The following RFT1 variants were observed in gnomAD, a reference collection of about 807,000 sequenced individuals.
The protein encoded by RFT1 is man(5)GlcNAc(2)-PP-dolichol translocation protein RFT1.
Under a neutral mutation model 62.2 loss-of-function variants are expected in RFT1, and 43 were observed. That is an observed-to-expected ratio of 0.69 (90% CI 0.54 to 0.89). RFT1 has a LOEUF of 0.89. Ranked by LOEUF, RFT1 falls within the 40% of genes least tolerant of loss-of-function variation. The pLI, the probability that RFT1 is intolerant of heterozygous loss-of-function variation, is 0.00. For missense variants in RFT1, 605 were observed against 649.9 expected, an observed-to-expected ratio of 0.93 and a Z score of 0.75; for synonymous variants, 262 against 264.6, an observed-to-expected ratio of 0.99 and a Z score of 0.10.
At chr3:53,104,742 A>G (rs1229284305) in intron 9 of RFT1, among the ~76,000 whole-genome samples, 1 of 152,264 alleles carries the variant, frequency 6.6e-6, no homozygotes, top group Non-Finnish European at 1.5e-5. Context: ...AAGAGGCTGA[A>G]CTAGCTTGCT....
At position 53,100,578 on chromosome 3, in the gene RFT1, T is replaced by C. The variant is rs146821292; in HGVS notation, c.1103-1092A>G. On this transcript the variant is annotated intron_variant, in intron 10 of 12. Coordinates refer to ENST00000296292, the MANE Select transcript of RFT1 (RefSeq NM_052859.4). ...TGGGCCATCCACACAAAGGAATACTTAGCAAGAAAAGATAATAAAAATCAC... is the reference window on the plus strand; with the variant it reads ...TGGGCCATCCACACAAAGGAATACTCAGCAAGAAAAGATAATAAAAATCAC... Among the ~76,000 whole-genome samples, 210 of 152,280 alleles carry C rather than the reference T, an allele frequency of 1.4e-3. 1 individual carries two copies. Among genetic ancestry groups the C allele is most frequent in the Non-Finnish European group, 2.5e-3 (168 of 68,016 alleles).
At chr3:53,111,530 T>C (rs1701649014) in intron 7 of RFT1, among the ~76,000 whole-genome samples, 1 of 152,232 alleles carries the variant, frequency 6.6e-6, no homozygotes, top group Non-Finnish European at 1.5e-5. Context: ...CTGTTCCTTG[T>C]TACTATAAAA....
In RFT1 at chr3:53,092,085, C is replaced by T; in HGVS notation, c.1459-15G>A. On this transcript the variant is annotated splice_polypyrimidine_tract_variant and intron_variant, in intron 12 of 12. Transcript: ENST00000296292. ...CAGAGGAATACCTGGGGAAAGAAAC[C>T]ATTGTCAGTGCCTGTTCCTCAGTCT... 4.3e-6 allele frequency: 7 copies of T among 1,614,136 alleles called. No homozygotes were observed. Among genetic ancestry groups the T allele is most frequent in the Non-Finnish European group, 5.9e-6 (7 of 1,179,986 alleles).
chr3:53,068,728 C>T, the RFT1 span, among the ~76,000 whole-genome samples: 10 of 152,144 alleles, frequency 6.6e-5, no homozygotes, highest in African/African-American at 2.4e-4. Flanking sequence ...GATTTAAATC[C>T]AGAATGTACA....
chr3:53,077,193 T>G, the RFT1 span, among the ~76,000 whole-genome samples: 3 of 152,196 alleles, frequency 2.0e-5, no homozygotes, highest in African/African-American at 7.2e-5. Context: ...ATAAAACCTC[T>G]TAAACACTGA....
chr3:53,111,332 G>A (rs955099762), intron 7 of RFT1, among the ~76,000 whole-genome samples: 1 of 152,056 alleles, frequency 6.6e-6, no homozygotes, highest in Non-Finnish European at 1.5e-5. Context: ...CATGAATCTG[G>A]GAGGTGGAGC....
intron 2 of RFT1, among the ~76,000 whole-genome samples, chr3:53,124,143 AAGG>A (rs1244726294): frequency 2.0e-5 from 3 of 152,230 alleles, no homozygotes; most frequent in Non-Finnish European, 4.4e-5. Context: ...CCATGACCAT[AAGG>A]AGGAGAAGAA....
At chr3:53,113,939 C>A (rs2107141153) in intron 6 of RFT1, among the ~76,000 whole-genome samples, 1 of 152,292 alleles carries the variant, frequency 6.6e-6, no homozygotes, top group South Asian at 2.1e-4. Flanking sequence ...TGAATCCTCC[C>A]AAACAGTGCA....
chr3:53,080,350 C>T, the RFT1 span, among the ~76,000 whole-genome samples: 2 of 152,242 alleles, frequency 1.3e-5, no homozygotes, highest in Admixed American at 1.3e-4. Flanking sequence ...CTCAAATCCA[C>T]ATCCAGATGC....
At chr3:53,068,636 T>TCCA in the RFT1 span, among the ~76,000 whole-genome samples, 8,332 of 152,252 alleles carry the variant, frequency 0.055, 772 homozygotes, top group African/African-American at 0.19. Flanking sequence ...GCAGAAAGCC[T>TCCA]GGTCCTGGCC....
rs75112182 is a variant in RFT1, at chr3:53,089,928, G to A, written c.*1975C>T. The A allele has an allele frequency of 0.026, 3,909 of 152,848 alleles. 172 individuals are homozygous for A. The highest frequency in any genetic ancestry group is 0.086 in the African/African-American group (3,580 of 41,552). 9.5% of individuals were successfully genotyped at this position (152,848 alleles called of 1,614,324 possible). A position where few individuals can be genotyped will look rare whatever the true frequency, so the allele number is the denominator to read the frequency against. On this transcript the variant is annotated 3_prime_UTR_variant, in exon 13 of 13. Transcript: ENST00000296292. ...AGACCCCGGAGTCACAAGGCTGCTT[G>A]TAGAGCAGCAGCTCTGTTCCTGGAG...
chr3:53,110,642 C>CA (rs1228239698), intron 7 of RFT1, among the ~76,000 whole-genome samples: 1 of 151,226 alleles, frequency 6.6e-6, no homozygotes, highest in African/African-American at 2.4e-5. Context: ...ACATAATAAA[C>CA]AAAAAATACA....
the RFT1 span, among the ~76,000 whole-genome samples, chr3:53,082,055 C>T: frequency 3.0e-3 from 453 of 152,154 alleles, 1 homozygote; most frequent in African/African-American, 1.0e-2. Context: ...GTGATCTTCC[C>T]GCCTCAGCCT....
chr3:53,115,658 C>T (rs547468648), intron 6 of RFT1, among the ~76,000 whole-genome samples: 1 of 152,370 alleles, frequency 6.6e-6, no homozygotes, highest in South Asian at 2.1e-4. Context: ...AGCAAATTTT[C>T]TTTCCTTCTG....
intron 6 of RFT1, among the ~76,000 whole-genome samples, chr3:53,115,723 T>C (rs138803532): frequency 3.3e-5 from 5 of 152,368 alleles, no homozygotes; most frequent in East Asian, 1.9e-4. Flanking sequence ...TGCCCACCCA[T>C]GTGTCAAAGT....
intron 11 of RFT1, among the ~76,000 whole-genome samples, chr3:53,096,132 T>C (rs1021023807): frequency 1.3e-5 from 2 of 152,186 alleles, no homozygotes; most frequent in Admixed American, 1.3e-4. Flanking sequence ...TCTCAGCACA[T>C]CACATTTTCT....
chr3:53,097,886 T>C (rs1323368422), intron 11 of RFT1, among the ~76,000 whole-genome samples: 2 of 152,260 alleles, frequency 1.3e-5, no homozygotes, highest in East Asian at 1.9e-4. Flanking sequence ...AAAGCAGTTC[T>C]ACTCTAAAGC....
intron 11 of RFT1, among the ~76,000 whole-genome samples, chr3:53,093,417 T>G (rs2107074942): frequency 6.6e-6 from 1 of 152,248 alleles, no homozygotes; most frequent in East Asian, 1.9e-4. Context: ...AAACACGAAA[T>G]AGCTGCCATA....
intron 10 of RFT1, among the ~76,000 whole-genome samples, chr3:53,100,060 C>A (rs1043615523): frequency 6.6e-6 from 1 of 152,210 alleles, no homozygotes; most frequent in Non-Finnish European, 1.5e-5. Flanking sequence ...ATCTGGCTAG[C>A]AAGCAAGTCT....
Sources: gnomAD v4.1 joint callset for allele counts (sites outside exome capture counted in the v4.1 genomes callset) on GRCh38, gnomAD v4.1.1 for gene constraint, MANE v1.5 for transcripts, NCBI Gene and HGNC (gene_info 2026-07-23, HGNC 2026-07-21) for gene names.